PIK3R5: variants seen among roughly 807,000 people sequenced by gnomAD.
PIK3R5 encodes the protein phosphoinositide-3-kinase regulatory subunit 5, also known as phosphoinositide 3-kinase regulatory subunit 5.
PIK3R5 carries 32 observed loss-of-function variants against 94.9 expected under a neutral mutation model. That is an observed-to-expected ratio of 0.34 (90% CI 0.25 to 0.45). The LOEUF (loss-of-function observed/expected upper bound fraction) is 0.45. PIK3R5 is among the 20% of genes least tolerant of loss of function. PIK3R5 has a pLI of 1.00. For synonymous variants in PIK3R5, 443 were observed against 479.4 expected (o/e 0.92, Z 0.99); for missense variants, 853 against 1,144.6 (o/e 0.75, Z 3.68).
At chr17:8,962,551 G>C (rs146487935) in intron 1 of PIK3R5, among the ~76,000 whole-genome samples, 1 of 152,220 alleles carries the variant, frequency 6.6e-6, no homozygotes, top group Admixed American at 6.5e-5. Flanking sequence ...GTGTGGACCT[G>C]TGTATCGCTA....
intron 1 of PIK3R5, among the ~76,000 whole-genome samples, chr17:8,959,560 T>C (rs2151483274): frequency 6.6e-6 from 1 of 151,920 alleles, no homozygotes; most frequent in South Asian, 2.1e-4. Context: ...CCTCGAAGAG[T>C]TGTCAGTGTA....
intron 1 of PIK3R5, among the ~76,000 whole-genome samples, chr17:8,950,333 A>C (rs561109878): frequency 6.6e-6 from 1 of 152,270 alleles, no homozygotes; most frequent in East Asian, 1.9e-4. Flanking sequence ...GATTGTAAGT[A>C]TTTTTTTAAT....
Position 8,955,540 on chromosome 17 carries a change from A to C in PIK3R5, c.-14+10056T>G, listed in dbSNP as rs2091453998. On this transcript the variant is annotated intron_variant, in intron 1 of 18. Transcript: ENST00000447110. The surrounding 1 kb of genome is among the most constrained non-coding windows in gnomAD (Gnocchi z 4.4). ...CAGTGGGGTGCCATCAAAGTATCTGAACACAGTGACATAGAAGTTTTCATA... is the reference window on the plus strand; with the variant it reads ...CAGTGGGGTGCCATCAAAGTATCTGCACACAGTGACATAGAAGTTTTCATA... Among the ~76,000 whole-genome samples the C allele has an allele frequency of 6.6e-6, 1 of 152,226 alleles. No homozygotes were observed. The highest frequency in any genetic ancestry group is 1.5e-5 in the Non-Finnish European group (1 of 68,026).
Position 8,911,190 on chromosome 17 carries a change from G to A in PIK3R5, c.103+202C>T, listed in dbSNP as rs1183639847. On this transcript the variant is annotated intron_variant, in intron 2 of 18. Coordinates refer to ENST00000447110, the MANE Select transcript of PIK3R5 (RefSeq NM_001142633.3). This position sits in a 1 kb window ranked among gnomAD's most constrained non-coding sequence, Gnocchi z 5.3. ...GGATGAGGAAGATGCCGTGGGAGAAGGGAGAAAGTGCCAGACACTGAGGTC... is the reference window on the plus strand; with the variant it reads ...GGATGAGGAAGATGCCGTGGGAGAAAGGAGAAAGTGCCAGACACTGAGGTC... Among the ~76,000 whole-genome samples the A allele has an allele frequency of 6.6e-6, 1 of 152,212 alleles. No homozygotes were observed. Among genetic ancestry groups the A allele is most frequent in the African/African-American group, 2.4e-5 (1 of 41,458 alleles).
chr17:8,898,653 T>G (rs1401471322), intron 5 of PIK3R5, among the ~76,000 whole-genome samples: 2 of 152,232 alleles, frequency 1.3e-5, no homozygotes, highest in Non-Finnish European at 2.9e-5. Flanking sequence ...GACCAACCTA[T>G]GACGGTGCTT....
chr17:8,965,226 C>T (rs1280395761), intron 1 of PIK3R5, among the ~76,000 whole-genome samples: 1 of 152,244 alleles, frequency 6.6e-6, no homozygotes, highest in Non-Finnish European at 1.5e-5. Context: ...GATGCCCACG[C>T]TCACGGACAG....
intron 1 of PIK3R5, among the ~76,000 whole-genome samples, chr17:8,929,288 C>T (rs1597412660): frequency 1.3e-5 from 2 of 152,148 alleles, no homozygotes; most frequent in South Asian, 4.1e-4. Context: ...AAACATAACC[C>T]AACCATTTGC....
chr17:8,949,441 A>G (rs1420537296), intron 1 of PIK3R5, among the ~76,000 whole-genome samples: 1 of 152,214 alleles, frequency 6.6e-6, no homozygotes, highest in African/African-American at 2.4e-5. Context: ...TCAGAGTCAT[A>G]AAGAAACTTG....
chr17:8,908,382 T>C (rs572800035), intron 3 of PIK3R5, among the ~76,000 whole-genome samples: 2 of 152,328 alleles, frequency 1.3e-5, no homozygotes, highest in South Asian at 4.1e-4. Context: ...GGTTCAGCTC[T>C]TCTGAGCTGG....
intron 1 of PIK3R5, among the ~76,000 whole-genome samples, chr17:8,938,416 A>G (rs761587349): frequency 5.9e-5 from 9 of 152,216 alleles, no homozygotes; most frequent in Non-Finnish European, 1.2e-4. Flanking sequence ...AACATTTTAA[A>G]GAATACCCTT....
chr17:8,952,588 G>T (rs192207304), intron 1 of PIK3R5, among the ~76,000 whole-genome samples: 12 of 152,292 alleles, frequency 7.9e-5, no homozygotes, highest in Non-Finnish European at 7.4e-5. Context: ...AAACTGGGCT[G>T]GCCAGTTAGT....
intron 3 of PIK3R5, among the ~76,000 whole-genome samples, chr17:8,907,448 A>T (rs1278161168): frequency 6.6e-6 from 1 of 152,166 alleles, no homozygotes; most frequent in Admixed American, 6.5e-5. Flanking sequence ...TAATCTAGAA[A>T]GGAGTTCAAG....
intron 1 of PIK3R5, among the ~76,000 whole-genome samples, chr17:8,932,934 G>A (rs1366152955): frequency 2.0e-5 from 3 of 151,922 alleles, no homozygotes; most frequent in Non-Finnish European, 2.9e-5. Flanking sequence ...ACCAGACCTA[G>A]GTATATCATA....
rs373425633 is a variant in PIK3R5, at chr17:8,887,168, G to A, written c.1833C>T (p.Leu611=). The change falls in exon 12 of 19, where the codon CTC becomes CTT. Residue 611 remains leucine (L), a synonymous_variant. Transcript: ENST00000447110. The part of the protein sequence containing the change: ...EESTNDISHY[L]GMLDPWYERN... ...GCTCATACCAGGGGTCCAGCATGCC[G>A]AGGTAGTGGGAGATGTCATTGGTGC... 6.8e-6 allele frequency: 11 copies of A among 1,613,794 alleles called. No individual in the cohort carries two copies. The highest frequency in any genetic ancestry group is 4.0e-5 in the African/African-American group (3 of 74,884).
chr17:8,961,746 G>A (rs150498609), intron 1 of PIK3R5, among the ~76,000 whole-genome samples: 1 of 152,298 alleles, frequency 6.6e-6, no homozygotes, highest in Non-Finnish European at 1.5e-5. Flanking sequence ...AGTCTCCTGT[G>A]GATGCCGAAC....
chr17:8,919,423 G>A (rs2090688655), intron 1 of PIK3R5, among the ~76,000 whole-genome samples: 1 of 152,190 alleles, frequency 6.6e-6, no homozygotes, highest in African/African-American at 2.4e-5. Context: ...TGTAGTCACA[G>A]TGGACTAGCG....
chr17:8,962,057 C>T lies in PIK3R5; in HGVS notation c.-14+3539G>A, dbSNP rs538838166. Among the ~76,000 whole-genome samples, 409 of 152,340 alleles carry T rather than the reference C, an allele frequency of 2.7e-3. 1 individual carries two copies. The highest frequency in any genetic ancestry group is 0.02 in the Middle Eastern group (6 of 294). ...GGCATGCGCTTGACACCCACAGGAA[C>T]ACCTAGGCCACCACTTAGGCTTGGT... On this transcript the variant is annotated intron_variant, in intron 1 of 18. Transcript: ENST00000447110.
In PIK3R5 at chr17:8,917,111, A is replaced by G. The variant is rs116491078; in HGVS notation, c.-13-5604T>C. Among the ~76,000 whole-genome samples the G allele has an allele frequency of 2.5e-3, 377 of 152,230 alleles. 1 individual carries two copies. The highest frequency in any genetic ancestry group is 8.5e-3 in the African/African-American group (353 of 41,536). ...AGAATCTCCACCGTGACCTAAGTAA[A>G]AGAATTCTTCCCAACACAGGAAGGA... On this transcript the variant is annotated intron_variant, in intron 1 of 18. Coordinates refer to ENST00000447110, the MANE Select transcript of PIK3R5 (RefSeq NM_001142633.3).
At chr17:8,951,033 C>A (rs2091366676) in intron 1 of PIK3R5, among the ~76,000 whole-genome samples, 1 of 152,170 alleles carries the variant, frequency 6.6e-6, no homozygotes, top group Non-Finnish European at 1.5e-5. Context: ...TTTTGATTTG[C>A]ATTTCCCTCA....
Sources: allele counts gnomAD v4.1 joint callset (sites outside exome capture counted in the v4.1 genomes callset), GRCh38; gene constraint gnomAD v4.1.1; non-coding constraint Gnocchi (gnomAD v3.1); transcripts MANE v1.5; gene names NCBI Gene and HGNC (gene_info 2026-07-23, HGNC 2026-07-21).